Variants in PBX1 observed in about 807,000 individuals in gnomAD.
PBX1 encodes the protein pre-B-cell leukemia transcription factor 1.
In PBX1, 6 loss-of-function variants were observed where a neutral mutation model predicts 53.4. The observed-to-expected ratio is 0.11, with a 90% CI of 0.06 to 0.22. PBX1 has a LOEUF of 0.22. Among genes scored for constraint, PBX1 ranks in the 10% least tolerant of loss-of-function variants. The probability of loss-of-function intolerance (pLI) is 1.00; values close to 1 mark genes in which losing one functional copy is unlikely to be tolerated. For synonymous variants in PBX1, 204 were observed against 212.3 expected, an observed-to-expected ratio of 0.96 and a Z score of 0.34; for missense variants, 251 against 551.4, an observed-to-expected ratio of 0.46 and a Z score of 5.46.
At chr1:164,622,905 C>T (rs1014888534) in intron 2 of PBX1, among the ~76,000 whole-genome samples, 2 of 151,012 alleles carry the variant, frequency 1.3e-5, no homozygotes, top group African/African-American at 4.9e-5. Context: ...ACCTCTGCCT[C>T]CCAGGTTCAA....
At chr1:164,881,515 T>C (rs1045036319) in intron 2 of PBX1, among the ~76,000 whole-genome samples, 1 of 144,724 alleles carries the variant, frequency 6.9e-6, no homozygotes, top group Non-Finnish European at 1.5e-5. Flanking sequence ...AAATGCCAGT[T>C]GATATTTGTA....
intron 2 of PBX1, among the ~76,000 whole-genome samples, chr1:164,659,443 C>A (rs1396042710): frequency 6.6e-6 from 1 of 152,172 alleles, no homozygotes; most frequent in Non-Finnish European, 1.5e-5. Context: ...CATATGTTTC[C>A]CTTGTGTTCT....
chr1:164,682,512 T>C (rs1661839738), intron 2 of PBX1: 1 of 152,158 alleles, frequency 6.6e-6, no homozygotes. Context: ...GAGCTTTTAT[T>C]TTAGGAATGA....
chr1:164,741,908 T>G (rs947322548), intron 2 of PBX1, among the ~76,000 whole-genome samples: 25 of 151,696 alleles, frequency 1.6e-4, no homozygotes, highest in African/African-American at 6.1e-4. Context: ...AATGGTTTAA[T>G]TTTTTTAAGG....
intron 2 of PBX1, chr1:164,684,172 T>C (rs1315779679): frequency 6.6e-6 from 1 of 152,202 alleles, no homozygotes; most frequent in Non-Finnish European, 1.5e-5. Flanking sequence ...CTAACAGCTA[T>C]GCTTACCTTT....
At chr1:164,638,630 G>A (rs563516642) in intron 2 of PBX1, among the ~76,000 whole-genome samples, 130 of 152,264 alleles carry the variant, frequency 8.5e-4, no homozygotes, top group African/African-American at 3.0e-3. Flanking sequence ...GGAGCAGAGC[G>A]TGACTACTGA....
intron 2 of PBX1, among the ~76,000 whole-genome samples, chr1:164,571,587 T>G (rs1000297298): frequency 4.7e-5 from 6 of 126,906 alleles, no homozygotes; most frequent in African/African-American, 7.3e-5. Context: ...TATTCATTAT[T>G]CAGTTGCTAC....
At chr1:164,728,845 G>T (rs530187196) in intron 2 of PBX1, among the ~76,000 whole-genome samples, 1 of 152,132 alleles carries the variant, frequency 6.6e-6, no homozygotes, top group Non-Finnish European at 1.5e-5. Flanking sequence ...AGTTTAAATG[G>T]CCTGTTATTT....
At chr1:164,828,118 A>C (rs906902283) in intron 8 of PBX1, among the ~76,000 whole-genome samples, 2 of 152,208 alleles carry the variant, frequency 1.3e-5, no homozygotes, top group Non-Finnish European at 2.9e-5. Context: ...AACCAAATAG[A>C]TATACCATGG....
chr1:164,643,220 T>G (rs1270520032), intron 2 of PBX1, among the ~76,000 whole-genome samples: 1 of 152,244 alleles, frequency 6.6e-6, no homozygotes, highest in East Asian at 1.9e-4. Context: ...ACAGAGCAGT[T>G]AAATGGGGCG....
intron 2 of PBX1, among the ~76,000 whole-genome samples, chr1:164,627,370 G>A (rs982544773): frequency 4.6e-5 from 7 of 152,104 alleles, no homozygotes; most frequent in African/African-American, 1.7e-4. Context: ...TGATTTTTGA[G>A]TGTGTTGGTA....
chr1:164,667,027 C>T lies in PBX1; in HGVS notation c.265+103716C>T, dbSNP rs564910581. On this transcript the variant is annotated intron_variant, in intron 2 of 8. Transcript: ENST00000420696. The stretch of plus-strand genomic sequence containing the variant: ...ATTTGCTGTGAAGCACCAAGATACA[C>T]CCTAAGAATAGAGCCTGACATCGTG... Among the ~76,000 whole-genome samples the T allele has an allele frequency of 2.8e-4, 43 of 152,218 alleles. 1 individual carries two copies. The South Asian group carries it at 8.7e-3, about 31-fold the overall frequency.
chr1:164,745,515 C>A (rs1665846026), intron 2 of PBX1, among the ~76,000 whole-genome samples: 3 of 152,326 alleles, frequency 2.0e-5, no homozygotes, highest in South Asian at 4.1e-4. Context: ...AACATCACCA[C>A]TTGTCAACGC....
intron 8 of PBX1, among the ~76,000 whole-genome samples, chr1:164,822,147 G>T (rs1481158207): frequency 2.0e-5 from 3 of 152,216 alleles, no homozygotes; most frequent in Non-Finnish European, 4.4e-5. Context: ...TGGGTACGCT[G>T]GCGGCTCCTG....
At chr1:164,662,871 CT>C (rs1192552772) in intron 2 of PBX1, among the ~76,000 whole-genome samples, 4 of 151,732 alleles carry the variant, frequency 2.6e-5, no homozygotes, top group African/African-American at 9.7e-5. Context: ...ATATGCAGAA[CT>C]TTGATCAGAT....
chr1:164,728,827 C>T (rs988382790), intron 2 of PBX1, among the ~76,000 whole-genome samples: 1 of 152,212 alleles, frequency 6.6e-6, no homozygotes, highest in Non-Finnish European at 1.5e-5. Flanking sequence ...CCCACCGCAA[C>T]ATATTTCAGT....
chr1:164,796,141 C>T (rs529347556), intron 3 of PBX1, among the ~76,000 whole-genome samples: 68 of 151,656 alleles, frequency 4.5e-4, no homozygotes, highest in Non-Finnish European at 8.7e-4. Context: ...ACCCAAGCAG[C>T]TGGGAATACA....
At chr1:164,793,872 C>CTTTTTTTTTTT (rs72414989) in intron 3 of PBX1, among the ~76,000 whole-genome samples, 15 of 78,218 alleles carry the variant, frequency 1.9e-4, no homozygotes, top group Non-Finnish European at 2.7e-4. Flanking sequence ...TTTTTCCTTT[C>CTTTTTTTTTTT]TTTTTTTTTT....
chr1:164,623,784 C>T (rs750793958), intron 2 of PBX1, among the ~76,000 whole-genome samples: 4 of 152,206 alleles, frequency 2.6e-5, no homozygotes, highest in Non-Finnish European at 4.4e-5. Flanking sequence ...TCGTGCCTAA[C>T]GACGTCGCCT....
Sources: allele counts gnomAD v4.1 joint callset (sites outside exome capture counted in the v4.1 genomes callset), GRCh38; gene constraint gnomAD v4.1.1; transcripts MANE v1.5; gene names NCBI Gene and HGNC (gene_info 2026-07-23, HGNC 2026-07-21).